SACS: variants seen among roughly 807,000 people sequenced by gnomAD.
SACS encodes the protein sacsin molecular chaperone, also known as sacsin.
SACS carries 197 observed loss-of-function variants against 348.0 expected under a neutral mutation model. The ratio of observed to expected loss-of-function variants is 0.57; its 90% CI spans 0.50 to 0.64. The LOEUF (loss-of-function observed/expected upper bound fraction) is 0.64, where lower values mean the gene tolerates loss of function less well. SACS is among the 30% of genes least tolerant of loss of function. The pLI, the probability that SACS is intolerant of heterozygous loss-of-function variation, is 0.00. For missense variants in SACS, 4,999 were observed against 5,360.8 expected (o/e 0.93, Z 2.11); for synonymous variants, 1,985 against 1,910.6 (o/e 1.04, Z -1.02).
chr13:23,331,384 A>G lies in SACS; in HGVS notation c.12492T>C (p.Ile4164=). 2.5e-6 allele frequency: 4 copies of G among 1,614,084 alleles called. No homozygotes were observed. The highest frequency in any genetic ancestry group is 3.4e-6 in the Non-Finnish European group (4 of 1,179,964). ...TTGGGTCCATAAGCAGAGTGTAATG[A>G]ATTTCAGCAGGAATTGGTGTGCCAG... ...PMPGTPIPAE[I]HYTLLMDPMN... is the part of the protein sequence containing the mutation. Residue 4164 remains isoleucine (I), a synonymous_variant, in exon 10 of 10, where the codon ATT becomes ATC. Coordinates refer to ENST00000382292, the MANE Select transcript of SACS (RefSeq NM_014363.6).
intron 2 of SACS, among the ~76,000 whole-genome samples, chr13:23,405,628 T>G (rs1023648622): frequency 1.3e-5 from 2 of 151,872 alleles, no homozygotes; most frequent in African/African-American, 4.8e-5. Flanking sequence ...GGGAGAAAAT[T>G]TTTGCAATCT....
At chr13:23,366,271 G>C (rs571082960) in intron 5 of SACS, among the ~76,000 whole-genome samples, 1 of 152,130 alleles carries the variant, frequency 6.6e-6, no homozygotes, top group Non-Finnish European at 1.5e-5. Context: ...GAGACTGAGG[G>C]AGCAGAAGTG....
chr13:23,377,518 T>C (rs1871864818), intron 2 of SACS, among the ~76,000 whole-genome samples: 1 of 152,150 alleles, frequency 6.6e-6, no homozygotes, highest in Non-Finnish European at 1.5e-5. Context: ...ATCAGCAGGA[T>C]AAAATAAAAT....
Position 23,337,675 on chromosome 13 carries a change from T to C in SACS, c.6201A>G (p.Glu2067=), listed in dbSNP as rs781124615. The change falls in exon 10 of 10, where the codon GAA becomes GAG. Residue 2067 remains glutamate, a synonymous_variant. Transcript: ENST00000382292. The part of the protein sequence containing the change: ...FSEVFFPNIQ[E]IEAELRDPLM... Reference sequence around the variant, plus strand: ...AAGGATCTCTAAGTTCTGCTTCAATTTCTTGAATATTTGGAAAAAACACTT... The same window carrying C: ...AAGGATCTCTAAGTTCTGCTTCAATCTCTTGAATATTTGGAAAAAACACTT... 13 of 1,613,026 alleles carry C rather than the reference T, an allele frequency of 8.1e-6. No individual in the cohort carries two copies. Among genetic ancestry groups the C allele is most frequent in the Non-Finnish European group, 1.1e-5 (13 of 1,179,774 alleles).
Position 23,341,672 on chromosome 13 carries a change from A to G in SACS, c.2204T>C (p.Leu735Pro). 6.2e-7 allele frequency: 1 copy of G among 1,612,938 alleles called. No homozygotes were observed. The highest frequency in any genetic ancestry group is 2.2e-5 in the East Asian group (1 of 44,862). ...AQTRGRPCTQ[L>P]QLLNPERFAR... is the part of the protein sequence containing the mutation. ...AAATCGTTCTGGATTTAGAAGCTGC[A>G]GCTGAGTACATGGTCTTCCTGTAAA... Residue 735 changes from leucine to proline, a missense_variant, in exon 10 of 10, where the codon CTG (leucine) becomes CCG (proline). Coordinates refer to ENST00000382292, the MANE Select transcript of SACS (RefSeq NM_014363.6).
chr13:23,346,929 G>C (rs1345359902), intron 9 of SACS: 1 of 344,210 alleles, frequency 2.9e-6, no homozygotes, highest in African/African-American at 2.2e-5. Flanking sequence ...TTAAGATACT[G>C]CTGTCTGTAG....
chr13:23,421,149 C>T (rs535850676), intron 1 of SACS, among the ~76,000 whole-genome samples: 9 of 152,002 alleles, frequency 5.9e-5, no homozygotes, highest in African/African-American at 1.7e-4. Context: ...TGGGTGTGAG[C>T]GTGGTACCTG....
At chr13:23,372,978 C>G (rs1378884504) in intron 3 of SACS, among the ~76,000 whole-genome samples, 2 of 152,292 alleles carry the variant, frequency 1.3e-5, no homozygotes, top group African/African-American at 2.4e-5. Context: ...CCCCTGTCTA[C>G]CCACACCCCC....
rs115351737 is a variant in SACS, at chr13:23,394,580, G to A, written c.20+16640C>T. ...ATCAGATTCATCATTAGGGCTGGGC[G>A]CAGTGGCTCATGCCTATAATCCCAG... On this transcript the variant is annotated intron_variant, in intron 2 of 9. Coordinates refer to ENST00000382292, the MANE Select transcript of SACS (RefSeq NM_014363.6). Among the ~76,000 whole-genome samples, 321 of 152,258 alleles carry A rather than the reference G, an allele frequency of 2.1e-3. 3 individuals are homozygous for A. The highest frequency in any genetic ancestry group is 7.3e-3 in the African/African-American group (303 of 41,562).
At chr13:23,418,703 C>T in intron 1 of SACS, among the ~76,000 whole-genome samples, 1 of 152,152 alleles carries the variant, frequency 6.6e-6, no homozygotes, top group Non-Finnish European at 1.5e-5. Flanking sequence ...AGGGGATTCA[C>T]CATGTTGGCC....
At chr13:23,392,682 G>C (rs1237362669) in intron 2 of SACS, among the ~76,000 whole-genome samples, 1 of 152,196 alleles carries the variant, frequency 6.6e-6, no homozygotes, top group Non-Finnish European at 1.5e-5. Context: ...TCAAACCAAG[G>C]ATGTCTGGCT....
rs201569239 is a variant in SACS, at chr13:23,355,393, G to C, written c.1219C>G (p.Leu407Val). ...SVGGRGISSK[L>V]DSLADELKFV... ...TTCAGTTCATCAGCTAAAGAGTCAAGCTTACTACTGATCCCTCGCCCACCC... is the reference window on the plus strand; with the variant it reads ...TTCAGTTCATCAGCTAAAGAGTCAACCTTACTACTGATCCCTCGCCCACCC... The change falls in exon 8 of 10, where the codon CTT (leucine) becomes GTT (valine). Residue 407 changes from leucine to valine, a missense_variant. Coordinates refer to ENST00000382292, the MANE Select transcript of SACS (RefSeq NM_014363.6). 6.2e-7 allele frequency: 1 copy of C among 1,614,010 alleles called. No individual in the cohort carries two copies.
rs1420495046 is a variant in SACS, at chr13:23,355,941, G to A, written c.671C>T (p.Pro224Leu). The A allele has an allele frequency of 1.9e-6, 3 of 1,613,910 alleles. No individual in the cohort carries two copies. The highest frequency in any genetic ancestry group is 3.3e-5 in the Admixed American group (2 of 59,984). Reference protein sequence around the residue: ...MLDPHQTLFGPHESGQCWNLK... With the variant: ...MLDPHQTLFGLHESGQCWNLK... ...ATTCCAACATTGGCCTGATTCATGT[G>A]GGCCAAAAAGTGTTTGATGAGGATC... The change falls in exon 8 of 10, where the codon CCA becomes CTA. Residue 224 changes from proline to leucine, a missense_variant. By Grantham distance (98) the Pro-to-Leu change is moderately conservative. Around this residue, in one of 6 missense-constraint regions of SACS, gnomAD observed 3,156 missense variants for 3,380.1 expected, o/e 0.93. Transcript: ENST00000382292.
chr13:23,392,555 T>C (rs553330353), intron 2 of SACS, among the ~76,000 whole-genome samples: 3 of 152,224 alleles, frequency 2.0e-5, no homozygotes, highest in Non-Finnish European at 2.9e-5. Context: ...CGAGCACTCA[T>C]TCTGTGTCAG....
intron 2 of SACS, among the ~76,000 whole-genome samples, chr13:23,392,935 A>G (rs1026802983): frequency 1.3e-5 from 2 of 152,166 alleles, no homozygotes; most frequent in African/African-American, 4.8e-5. Context: ...GGCAGGACTG[A>G]GTTCATGCAT....
At chr13:23,430,689 G>T (rs1471989268) in intron 1 of SACS, among the ~76,000 whole-genome samples, 2 of 152,184 alleles carry the variant, frequency 1.3e-5, no homozygotes, top group Non-Finnish European at 2.9e-5. Context: ...ATATTAGGAT[G>T]GCTTTGATTT....
At chr13:23,412,407 C>CTT (rs372385214) in intron 1 of SACS, among the ~76,000 whole-genome samples, 3 of 120,504 alleles carry the variant, frequency 2.5e-5, no homozygotes, top group African/African-American at 3.3e-5. Context: ...AATCCAAACC[C>CTT]TTTTTTTTTT....
chr13:23,332,657 T>C lies in SACS; in HGVS notation c.11219A>G (p.Asn3740Ser). ...TACCTTATCAAGAGGAGGATCCAGG[T>C]TAACATTAAGCATATTTAAAACTTG... ...LEQVLNMLNVNLDPPLDKVIN... is the reference protein window; with the variant it reads ...LEQVLNMLNVSLDPPLDKVIN... The change falls in exon 10 of 10, where the codon AAC becomes AGC. Residue 3740 changes from asparagine (N) to serine (S), a missense_variant. Physicochemically the swap from Asn to Ser is conservative, Grantham distance 46. Transcript: ENST00000382292. 6.2e-7 allele frequency: 1 copy of C among 1,613,804 alleles called. No individual in the cohort carries two copies. The highest frequency in any genetic ancestry group is 1.1e-5 in the South Asian group (1 of 91,082).
intron 6 of SACS, among the ~76,000 whole-genome samples, chr13:23,359,017 T>TA (rs1376176442): frequency 6.6e-6 from 1 of 151,646 alleles, no homozygotes; most frequent in African/African-American, 2.4e-5. Context: ...CCATCTCTAC[T>TA]AAAAAATACA....
Sources: allele counts gnomAD v4.1 joint callset (sites outside exome capture counted in the v4.1 genomes callset), GRCh38; gene constraint gnomAD v4.1.1; regional missense constraint gnomAD v4.1.1; transcripts MANE v1.5; gene names NCBI Gene and HGNC (gene_info 2026-07-23, HGNC 2026-07-21).